FTO: variants seen among roughly 807,000 people sequenced by gnomAD.
FTO encodes the protein FTO alpha-ketoglutarate dependent dioxygenase.
A neutral mutation model predicts 63.9 loss-of-function variants in FTO; 47 were observed. The observed-to-expected ratio is 0.74, with a 90% CI of 0.58 to 0.94. The LOEUF is 0.94. FTO is among the 40% of genes least tolerant of loss of function. The pLI, the probability that FTO is intolerant of heterozygous loss-of-function variation, is 0.00. For synonymous variants in FTO, 207 were observed against 224.4 expected, an observed-to-expected ratio of 0.92 and a Z score of 0.69; for missense variants, 562 against 618.1, an observed-to-expected ratio of 0.91 and a Z score of 0.96.
chr16:53,754,827 T>C (rs1331520402), intron 1 of FTO, among the ~76,000 whole-genome samples: 1 of 152,248 alleles, frequency 6.6e-6, no homozygotes, highest in African/African-American at 2.4e-5. Flanking sequence ...TAACAAATCT[T>C]TTTTTAGATT....
chr16:54,083,643 C>T (rs138471742), intron 8 of FTO, among the ~76,000 whole-genome samples: 4 of 152,184 alleles, frequency 2.6e-5, no homozygotes, highest in African/African-American at 7.2e-5. Flanking sequence ...CACTTTGCCT[C>T]GAGTCCCATT....
chr16:54,024,576 T>C (rs1311082421), intron 8 of FTO, among the ~76,000 whole-genome samples: 2 of 152,172 alleles, frequency 1.3e-5, no homozygotes, highest in Non-Finnish European at 2.9e-5. Flanking sequence ...TAGAGAAGTA[T>C]ATAATTTTAT....
chr16:54,027,419 A>G (rs967938900), intron 8 of FTO, among the ~76,000 whole-genome samples: 1 of 152,202 alleles, frequency 6.6e-6, no homozygotes, highest in Non-Finnish European at 1.5e-5. Flanking sequence ...ACTTTAGCAT[A>G]CATCACATCG....
chr16:53,874,416 C>T (rs1480007261), intron 5 of FTO, among the ~76,000 whole-genome samples: 1 of 152,122 alleles, frequency 6.6e-6, no homozygotes, highest in Non-Finnish European at 1.5e-5. Flanking sequence ...GTTAGCTGTT[C>T]AGACTAGTTC....
At chr16:54,023,664 C>A (rs1334420860) in intron 8 of FTO, among the ~76,000 whole-genome samples, 1 of 152,212 alleles carries the variant, frequency 6.6e-6, no homozygotes, top group Non-Finnish European at 1.5e-5. Flanking sequence ...CTTTCCCAAT[C>A]AAGATCCCAA....
intron 6 of FTO, among the ~76,000 whole-genome samples, chr16:53,885,936 G>A (rs886287437): frequency 1.3e-5 from 2 of 152,068 alleles, no homozygotes; most frequent in African/African-American, 4.8e-5. Flanking sequence ...TGTTTATTTT[G>A]TAGAGATGAG....
chr16:53,757,186 C>T (rs2076944405), intron 1 of FTO, among the ~76,000 whole-genome samples: 1 of 152,096 alleles, frequency 6.6e-6, no homozygotes, highest in South Asian at 2.1e-4. Context: ...GCTAGATCAA[C>T]CTAATTAACA....
intron 6 of FTO, among the ~76,000 whole-genome samples, chr16:53,881,775 A>T (rs1179391955): frequency 6.6e-6 from 1 of 152,232 alleles, no homozygotes; most frequent in African/African-American, 2.4e-5. Flanking sequence ...ACTCTTTTTT[A>T]ACATGTATAC....
chr16:54,057,255 G>A (rs768851897), intron 8 of FTO, among the ~76,000 whole-genome samples: 51 of 152,302 alleles, frequency 3.3e-4, no homozygotes, highest in African/African-American at 6.5e-4. Flanking sequence ...GCACTGCTCC[G>A]TGCTACATTG....
intron 8 of FTO, among the ~76,000 whole-genome samples, chr16:54,067,838 A>T (rs147828832): frequency 6.6e-6 from 1 of 152,192 alleles, no homozygotes; most frequent in Non-Finnish European, 1.5e-5. Context: ...AGTAGTTTCT[A>T]TGAAATGCAA....
intron 3 of FTO, among the ~76,000 whole-genome samples, chr16:53,839,574 C>G (rs1272459598): frequency 2.0e-5 from 3 of 151,982 alleles, no homozygotes; most frequent in African/African-American, 7.3e-5. Flanking sequence ...CAATTATTGT[C>G]TCTAATTGTC....
chr16:54,021,671 G>A (rs1289230796), intron 8 of FTO, among the ~76,000 whole-genome samples: 1 of 152,044 alleles, frequency 6.6e-6, no homozygotes, highest in Non-Finnish European at 1.5e-5. Context: ...TGTATTTTTA[G>A]TGGAGACAGG....
At chr16:53,818,141 A>G (rs1218993619) in intron 2 of FTO, among the ~76,000 whole-genome samples, 1 of 150,386 alleles carries the variant, frequency 6.6e-6, no homozygotes, top group Non-Finnish European at 1.5e-5. Flanking sequence ...AAATTACTTA[A>G]TGTTCACTTC....
chr16:53,815,198 G>A (rs959047068), intron 2 of FTO, among the ~76,000 whole-genome samples: 1 of 152,112 alleles, frequency 6.6e-6, no homozygotes, highest in Non-Finnish European at 1.5e-5. Context: ...AGAAGGCTTG[G>A]AGCAAAGCGT....
chr16:54,062,540 C>CT (rs1167335765), intron 8 of FTO, among the ~76,000 whole-genome samples: 2 of 152,160 alleles, frequency 1.3e-5, no homozygotes, highest in Non-Finnish European at 2.9e-5. Flanking sequence ...GCCCCGCCCC[C>CT]TTTTTTTCTT....
chr16:53,797,316 C>G (rs895875657), intron 1 of FTO, among the ~76,000 whole-genome samples: 2 of 152,138 alleles, frequency 1.3e-5, no homozygotes, highest in African/African-American at 4.8e-5. Flanking sequence ...TTGCTTGGGA[C>G]AAATGTATAG....
intron 8 of FTO, among the ~76,000 whole-genome samples, chr16:54,086,302 C>T (rs1478666271): frequency 6.6e-6 from 1 of 152,180 alleles, no homozygotes; most frequent in Non-Finnish European, 1.5e-5. Flanking sequence ...CAAGATTGCC[C>T]ATTCCATCTG....
intron 8 of FTO, among the ~76,000 whole-genome samples, chr16:54,082,800 C>A (rs914941993): frequency 2.0e-5 from 3 of 152,146 alleles, no homozygotes; most frequent in Non-Finnish European, 4.4e-5. Context: ...AACTGACCCG[C>A]CATGCTGCTT....
At chr16:53,879,741 A>C in intron 5 of FTO, 103 bp from the exon 6 acceptor site, 1 of 1,143,928 alleles carries the variant, frequency 8.7e-7, no homozygotes, top group Non-Finnish European at 1.3e-6. Flanking sequence ...ATGGGGCAAC[A>C]GGTGAATTCA....
Sources: gnomAD v4.1 joint callset for allele counts (sites outside exome capture counted in the v4.1 genomes callset) on GRCh38, gnomAD v4.1.1 for gene constraint, MANE v1.5 for transcripts, NCBI Gene and HGNC (gene_info 2026-07-23, HGNC 2026-07-21) for gene names.